Variants in NCL observed in about 807,000 individuals in gnomAD.
The protein encoded by NCL is nucleolin multifunctional protein.
In NCL, 4 loss-of-function variants were observed where a neutral mutation model predicts 77.7. That is an observed-to-expected ratio of 0.05 (90% CI 0.03 to 0.12). The LOEUF (loss-of-function observed/expected upper bound fraction) is 0.12, where lower values mean the gene tolerates loss of function less well. NCL is among the 10% of genes least tolerant of loss of function. The probability of loss-of-function intolerance (pLI) is 1.00; values close to 1 mark genes in which losing one functional copy is unlikely to be tolerated. For missense variants in NCL, 763 were observed against 860.9 expected, an observed-to-expected ratio of 0.89 and a Z score of 1.42; for synonymous variants, 344 against 297.8, an observed-to-expected ratio of 1.16 and a Z score of -1.60.
chr2:231,455,307 C>A (rs752597847), intron 13 of NCL, 40 bp from the exon 14 acceptor site: 1 of 1,613,854 alleles, frequency 6.2e-7, no homozygotes. Context: ...AGAATGGGTA[C>A]AAAGCTCCTC....
chr2:231,457,570 C>T, intron 9 of NCL, 73 bp downstream of exon 9: 1 of 1,379,956 alleles, frequency 7.2e-7, no homozygotes, highest in Non-Finnish European at 9.9e-7. Context: ...TATTTATAAA[C>T]TTATGAAATA....
intron 2 of NCL, 159 bp from the exon 3 acceptor site, chr2:231,462,176 C>T: frequency 1.0e-6 from 1 of 986,052 alleles, no homozygotes; most frequent in Non-Finnish European, 1.6e-6. Flanking sequence ...GTTATGTTGT[C>T]TTAAGTCAGA....
Position 231,457,674 on chromosome 2 carries a change from G to T in NCL, c.1416C>A (p.Asp472Glu). The T allele has an allele frequency of 6.2e-7, 1 of 1,610,954 alleles. No homozygotes were observed. ...AAGTGCTATTCTTTCCACCTCTATA[G>T]TCTTGATTTTGACCTTTCTCTCCAG... ...YYTGEKGQNQ[D>E]YRGGKNSTWS... The change falls in exon 9 of 14, where the codon GAC becomes GAA. Residue 472 changes from aspartate (D) to glutamate (E), a missense_variant. Transcript: ENST00000322723.
chr2:231,460,187 A>G lies in NCL; in HGVS notation c.1005T>C (p.Asp335=), dbSNP rs1041655492. 22 of 1,613,876 alleles carry G rather than the reference A, an allele frequency of 1.4e-5. No homozygotes were observed. Among genetic ancestry groups the G allele is most frequent in the Non-Finnish European group, 1.8e-5 (21 of 1,180,030 alleles). Residue 335 remains aspartate, a synonymous_variant, in exon 6 of 14, where the codon GAT becomes GAC. Coordinates refer to ENST00000322723, the MANE Select transcript of NCL (RefSeq NM_005381.3). ...CAATTCTGACATCCACAACAGCAAG[A>G]TCATTTTTAGCAAAAACATCGCTGA... The part of the protein sequence containing the change: ...TGISDVFAKN[D]LAVVDVRIGM...
chr2:231,456,785 C>T, intron 10 of NCL, 21 bp from the exon 11 acceptor site: 2 of 1,613,166 alleles, frequency 1.2e-6, no homozygotes, highest in Non-Finnish European at 1.7e-6. Flanking sequence ...ACAGTTAATG[C>T]TTAGAGTAAG....
rs1476598834 is a variant in NCL, at chr2:231,453,980, G to A, written c.*1211C>T. On this transcript the variant is annotated 3_prime_UTR_variant, in exon 14 of 14. Coordinates refer to ENST00000322723, the MANE Select transcript of NCL (RefSeq NM_005381.3). Reference sequence around the variant, plus strand: ...ATAGTCCCGCCTCTCACGTGGCCTTGTCTTTTACTAAAAAGGGAGGTTGAG... The same window carrying A: ...ATAGTCCCGCCTCTCACGTGGCCTTATCTTTTACTAAAAAGGGAGGTTGAG... 1 of 152,196 alleles carries A rather than the reference G, an allele frequency of 6.6e-6. No individual in the cohort carries two copies. Among genetic ancestry groups the A allele is most frequent in the Non-Finnish European group, 1.5e-5 (1 of 68,044 alleles). The allele number at this position is 152,196 out of a possible 1,614,324, so 9.4% of individuals were successfully genotyped here.
At chr2:231,457,155 T>A (rs181796333) in intron 9 of NCL, 31 bp from the exon 10 acceptor site, 2 of 1,612,382 alleles carry the variant, frequency 1.2e-6, no homozygotes, top group Non-Finnish European at 1.7e-6. Flanking sequence ...TTCCTAAGAC[T>A]CTGAAACAGT....
At chr2:231,457,832 T>A (rs1575259769) in intron 8 of NCL, 32 bp from the exon 9 acceptor site, 2 of 1,564,180 alleles carry the variant, frequency 1.3e-6, no homozygotes, top group Non-Finnish European at 1.7e-6. Context: ...TCATGGTTTT[T>A]AAAACCATAT....
rs770890525 is a variant in NCL at position 231,457,651 on chromosome 2, G to C, written c.1439C>G (p.Thr480Ser). ...CAAGCCTAATTTCTTACCACTCCAA[G>C]TGCTATTCTTTCCACCTCTATAGTC... The part of the protein sequence containing the change: ...NQDYRGGKNS[T>S]WSGESKTLVL... The change falls in exon 9 of 14, where the codon ACT becomes AGT. Residue 480 changes from threonine (T) to serine (S), a missense_variant. Physicochemically the swap from Thr to Ser is moderately conservative, Grantham distance 58. Around this residue, in one of 2 missense-constraint regions of NCL, gnomAD observed 173 missense variants for 290.4 expected, o/e 0.60. Transcript: ENST00000322723. 5.3e-5 allele frequency: 85 copies of C among 1,599,650 alleles called. No homozygotes were observed. The highest frequency in any genetic ancestry group is 6.9e-5 in the Admixed American group (4 of 57,930).
chr2:231,460,938 G>C (rs1170175635), intron 3 of NCL, 72 bp from the exon 4 acceptor site: 3 of 1,201,238 alleles, frequency 2.5e-6, no homozygotes, highest in South Asian at 1.2e-5. Flanking sequence ...CTAATGTAAA[G>C]AAAATGCAAT....
At chr2:231,458,752 T>C (rs2046917573) in intron 7 of NCL, 1 of 442,356 alleles carries the variant, frequency 2.3e-6, no homozygotes, top group Non-Finnish European at 3.9e-6. Flanking sequence ...TAGGTGCATC[T>C]AATAATTCTT....
In NCL at chr2:231,457,692, C is replaced by T. The variant is rs372524969; in HGVS notation, c.1398G>A (p.Glu466=). The change falls in exon 9 of 14, where the codon GAG becomes GAA. Residue 466 remains glutamate, a synonymous_variant. Transcript: ENST00000322723. Reference sequence around the variant, plus strand: ...CTCTATAGTCTTGATTTTGACCTTTCTCTCCAGTATAGTACAGGGAAATAG... The same window carrying T: ...CTCTATAGTCTTGATTTTGACCTTTTTCTCCAGTATAGTACAGGGAAATAG... ...GRSISLYYTG[E]KGQNQDYRGG... 4.3e-6 allele frequency: 7 copies of T among 1,611,532 alleles called. No individual in the cohort carries two copies. The African/African-American group carries it at 9.3e-5, about 22-fold the overall frequency.
rs1176568194 is a variant in NCL, at chr2:231,454,984, T to TCAA, written c.*204_*206dup. The TCAA allele has an allele frequency of 3.6e-6, 2 of 550,456 alleles. No homozygotes were observed. The highest frequency in any genetic ancestry group is 2.9e-5 in the East Asian group (1 of 34,718). 34.1% of individuals were successfully genotyped at this position (550,456 alleles called of 1,614,324 possible). On this transcript the variant is annotated 3_prime_UTR_variant, in exon 14 of 14. Coordinates refer to ENST00000322723, the MANE Select transcript of NCL (RefSeq NM_005381.3). ...TACAGATAAGGGTTAGCTCTATCAC[T>TCAA]CAACTCTTTAAAAAGTTTATATGAA...
At position 231,456,144 on chromosome 2, in the gene NCL, G is replaced by A. The variant is rs200390674; in HGVS notation, c.1706-8C>T. The stretch of plus-strand genomic sequence containing the variant: ...ACAGAGTTTTGGATGGCTCTGGGAA[G>A]GAAAAAAAAATGTGACTTTATGTGA... On this transcript the variant is annotated splice_polypyrimidine_tract_variant and splice_region_variant and intron_variant, in intron 11 of 13. Coordinates refer to ENST00000322723, the MANE Select transcript of NCL (RefSeq NM_005381.3). The A allele has an allele frequency of 5.7e-6, 9 of 1,585,790 alleles. No individual in the cohort carries two copies. In the African/African-American group the frequency reaches 5.9e-5, roughly 10 times the overall value.
Position 231,460,218 on chromosome 2 carries a change from G to C in NCL, c.974C>G (p.Thr325Ser). The C allele has an allele frequency of 4.3e-6, 7 of 1,614,076 alleles. No homozygotes were observed. The highest frequency in any genetic ancestry group is 5.9e-6 in the Non-Finnish European group (7 of 1,179,992). ...TTTAGCAAAAACATCGCTGATACCAGTTTTTAATTCAGGAGCAGATTTGTT... is the reference window on the plus strand; with the variant it reads ...TTTAGCAAAAACATCGCTGATACCACTTTTTAATTCAGGAGCAGATTTGTT... The part of the protein sequence containing the change: ...NFNKSAPELK[T>S]GISDVFAKND... The change falls in exon 6 of 14, where the codon ACT (threonine) becomes AGT (serine). Residue 325 changes from threonine (T) to serine (S), a missense_variant. Transcript: ENST00000322723.
intron 3 of NCL, 151 bp from the exon 4 acceptor site, chr2:231,461,017 G>A (rs756297697): frequency 3.7e-5 from 26 of 699,012 alleles, no homozygotes; most frequent in Middle Eastern, 2.8e-4. Context: ...AGTGGCTCAC[G>A]CCTGTAATCC....
chr2:231,456,212 A>T, intron 11 of NCL, 76 bp from the exon 12 acceptor site: 1 of 1,553,230 alleles, frequency 6.4e-7, no homozygotes, highest in Non-Finnish European at 8.8e-7. Context: ...GCCTAGTATG[A>T]CTACTAGCCA....
chr2:231,454,967 A>C lies in NCL; in HGVS notation c.*224T>G. 2.2e-6 allele frequency: 1 copy of C among 455,600 alleles called. No homozygotes were observed. Among genetic ancestry groups the C allele is most frequent in the Non-Finnish European group, 3.9e-6 (1 of 257,134 alleles). 28.2% of individuals were successfully genotyped at this position (455,600 alleles called of 1,614,324 possible). A position where few individuals can be genotyped will look rare whatever the true frequency, so the allele number is the denominator to read the frequency against. On this transcript the variant is annotated 3_prime_UTR_variant, in exon 14 of 14. Coordinates refer to ENST00000322723, the MANE Select transcript of NCL (RefSeq NM_005381.3). The stretch of plus-strand genomic sequence containing the variant: ...AATATAAATTCAAAACTTACAGATA[A>C]GGGTTAGCTCTATCACTCAACTCTT...
At chr2:231,462,440 G>A (rs2046961659) in intron 2 of NCL, 2 of 422,772 alleles carry the variant, frequency 4.7e-6, no homozygotes, top group South Asian at 1.7e-5. Context: ...ACAGTGGGTG[G>A]CGGTACCAAG....
Sources: allele counts gnomAD v4.1 joint callset, GRCh38; gene constraint gnomAD v4.1.1; regional missense constraint gnomAD v4.1.1; transcripts MANE v1.5; gene names NCBI Gene and HGNC (gene_info 2026-07-23, HGNC 2026-07-21).